The following FRMPD3 variants were observed in gnomAD, a reference collection of about 807,000 sequenced individuals.
FRMPD3 encodes the protein FERM and PDZ domain containing 3.
A neutral mutation model predicts 97.9 loss-of-function variants in FRMPD3; 42 were observed. That is an observed-to-expected ratio of 0.43 (90% CI 0.34 to 0.55). The LOEUF is 0.55. Ranked by LOEUF, FRMPD3 falls within the 20% of genes least tolerant of loss-of-function variation. The pLI is 0.03. For synonymous variants in FRMPD3, 577 were observed against 581.1 expected (o/e 0.99, Z 0.10); for missense variants, 1,303 against 1,457.7 (o/e 0.89, Z 1.73).
intron 1 of FRMPD3, among the ~76,000 whole-genome samples, chrX:107,523,750 A>G (rs1922587595): frequency 8.9e-6 from 1 of 112,405 alleles, no homozygotes; most frequent in South Asian, 3.7e-4. Context: ...ATTAATTAAT[A>G]TGAGTCAAAA....
chrX:107,550,070 C>G lies in FRMPD3; in HGVS notation c.424C>G (p.Leu142Val), dbSNP rs767772304. ...ACAGAAAATGATGAAGAAGGAAGCT[C>G]TCCTCCTCATCCCTAATGTCCTGAA... is the stretch of plus-strand genomic sequence containing the variant. ...TDAKMMKKEALLLIPNVLKVF... is the reference protein window; with the variant it reads ...TDAKMMKKEAVLLIPNVLKVF... The change falls in exon 6 of 15, where the codon CTC becomes GTC. Residue 142 changes from leucine to valine, a missense_variant. Transcript: ENST00000683843. The G allele has an allele frequency of 8.4e-6, 10 of 1,197,497 alleles. No individual in the cohort carries two copies. In the Middle Eastern group the frequency reaches 1.4e-3, roughly 166 times the overall value.
chrX:107,559,388 T>C (rs1174228191), intron 8 of FRMPD3, among the ~76,000 whole-genome samples: 1 of 112,010 alleles, frequency 8.9e-6, no homozygotes. Flanking sequence ...GACTTAAGCA[T>C]CCACAAATTT....
intron 4 of FRMPD3, among the ~76,000 whole-genome samples, chrX:107,540,564 G>C (rs1921247557): frequency 8.9e-6 from 1 of 112,013 alleles, no homozygotes; most frequent in Non-Finnish European, 1.9e-5. Context: ...ATTCCACCAA[G>C]CTGCTGGCTT....
chrX:107,511,038 G>T (rs189914989), intron 1 of FRMPD3, among the ~76,000 whole-genome samples: 1 of 112,373 alleles, frequency 8.9e-6, no homozygotes, highest in East Asian at 2.8e-4. Flanking sequence ...TGAGATAGAT[G>T]TGCCTTTCTC....
chrX:107,551,033 GA>G (rs1921841320), intron 6 of FRMPD3, among the ~76,000 whole-genome samples: 1 of 112,022 alleles, frequency 8.9e-6, no homozygotes, highest in African/African-American at 3.2e-5. Context: ...CAGGTACTCA[GA>G]ATGGGTCTTG....
intron 1 of FRMPD3, among the ~76,000 whole-genome samples, chrX:107,490,714 G>A (rs1921637224): frequency 8.9e-6 from 1 of 112,170 alleles, no homozygotes; most frequent in Non-Finnish European, 1.9e-5. Flanking sequence ...TCTGAAAACA[G>A]GTGGGTTTCT....
rs770453493 is a variant in FRMPD3 at position 107,560,772 on chromosome X, G to C, written c.945G>C (p.Gln315His). Residue 315 changes from glutamine to histidine, a missense_variant, in exon 10 of 15, where the codon CAG becomes CAC. Physicochemically the swap from Gln to His is conservative, Grantham distance 24. Transcript: ENST00000683843. ...CCTTTCTTCCCCCCTCCCTCCTGCAGGTCATCAAAGAGAAGAACCTCCGGA... is the reference window on the plus strand; with the variant it reads ...CCTTTCTTCCCCCCTCCCTCCTGCACGTCATCAAAGAGAAGAACCTCCGGA... ...LEPFLPPSLL[Q>H]VIKEKNLRKS... 2.6e-6 allele frequency: 3 copies of C among 1,175,054 alleles called. No homozygotes were observed. The South Asian group carries it at 5.7e-5, about 22-fold the overall frequency.
Position 107,454,261 on chromosome X carries a change from T to C in FRMPD3, c.-8+4256T>C, listed in dbSNP as rs1053395500. Among the ~76,000 whole-genome samples the C allele has an allele frequency of 9.0e-5, 10 of 111,365 alleles. No homozygotes were observed. In the Admixed American group the frequency reaches 9.5e-4, roughly 11 times the overall value. On this transcript the variant is annotated intron_variant, in intron 1 of 14. Coordinates refer to ENST00000683843, the MANE Select transcript of FRMPD3 (RefSeq NM_001388459.1). ...CTCCAGCTCCTCCTGCTTTCCACTTTCTTTATTGACAAGGACACACAGGCA... is the reference window on the plus strand; with the variant it reads ...CTCCAGCTCCTCCTGCTTTCCACTTCCTTTATTGACAAGGACACACAGGCA...
chrX:107,535,207 T>C (rs768474413), intron 4 of FRMPD3, among the ~76,000 whole-genome samples: 28 of 112,647 alleles, frequency 2.5e-4, no homozygotes, highest in Non-Finnish European at 4.9e-4. Context: ...TAAAATAGCA[T>C]CTACCTTCAC....
intron 1 of FRMPD3, among the ~76,000 whole-genome samples, chrX:107,457,020 A>G (rs1316170659): frequency 9.0e-6 from 1 of 111,501 alleles, no homozygotes; most frequent in African/African-American, 3.3e-5. Context: ...GGTAGAGGAA[A>G]CCTGATTTAC....
intron 13 of FRMPD3, among the ~76,000 whole-genome samples, chrX:107,585,869 T>C (rs946594086): frequency 8.9e-6 from 1 of 112,455 alleles, no homozygotes; most frequent in Non-Finnish European, 1.9e-5. Context: ...GATTTTTTCA[T>C]TGAAGTTCAT....
chrX:107,577,821 T>A (rs1042241743), intron 13 of FRMPD3, among the ~76,000 whole-genome samples: 2 of 111,114 alleles, frequency 1.8e-5, no homozygotes, highest in African/African-American at 6.6e-5. Context: ...CATGCCTGAG[T>A]TTACATCTCA....
At chrX:107,462,115 CT>C (rs1041910304) in intron 1 of FRMPD3, among the ~76,000 whole-genome samples, 2 of 111,021 alleles carry the variant, frequency 1.8e-5, no homozygotes, top group African/African-American at 6.6e-5. Context: ...TAATTTTTCC[CT>C]TATCATAAAA....
At position 107,594,058 on chromosome X, in the gene FRMPD3, G is replaced by C. The variant is rs760929839; in HGVS notation, c.1442-3263G>C. ...GTGTCATCTGTGATTTCTTTCAGCAGTGTTTTGTAGTTTTCCTTGTAGAGG... is the reference window on the plus strand; with the variant it reads ...GTGTCATCTGTGATTTCTTTCAGCACTGTTTTGTAGTTTTCCTTGTAGAGG... On this transcript the variant is annotated intron_variant, in intron 13 of 14. Transcript: ENST00000683843. Among the ~76,000 whole-genome samples, 6 of 112,043 alleles carry C rather than the reference G, an allele frequency of 5.4e-5. No individual in the cohort carries two copies. The South Asian group carries it at 1.9e-3, about 35-fold the overall frequency.
intron 1 of FRMPD3, among the ~76,000 whole-genome samples, chrX:107,510,192 G>A (rs774194436): frequency 6.6e-5 from 7 of 106,492 alleles, no homozygotes; most frequent in African/African-American, 2.4e-4. Flanking sequence ...TTGTTTCTGA[G>A]TAACTGAAGG....
intron 1 of FRMPD3, among the ~76,000 whole-genome samples, chrX:107,478,983 C>T (rs886706491): frequency 8.9e-5 from 10 of 111,929 alleles, no homozygotes; most frequent in Non-Finnish European, 1.1e-4. Flanking sequence ...ACCCCACCCC[C>T]GAACCAATGA....
chrX:107,513,963 C>T (rs770785048), intron 1 of FRMPD3, among the ~76,000 whole-genome samples: 3 of 111,748 alleles, frequency 2.7e-5, no homozygotes, highest in East Asian at 5.6e-4. Flanking sequence ...ATGAAATGAA[C>T]AGGTTGCAAT....
At chrX:107,590,688 G>C (rs1469329034) in intron 13 of FRMPD3, among the ~76,000 whole-genome samples, 2 of 112,871 alleles carry the variant, frequency 1.8e-5, no homozygotes, top group African/African-American at 6.4e-5. Flanking sequence ...ATCCCACTTG[G>C]TCATGGTGTA....
At chrX:107,514,529 CTTTTTT>C (rs753016000) in intron 1 of FRMPD3, among the ~76,000 whole-genome samples, 1 of 95,499 alleles carries the variant, frequency 1.0e-5, no homozygotes, top group African/African-American at 3.8e-5. Context: ...TTTCCTTTTC[CTTTTTT>C]TTTTTTTTTT....
Sources: gnomAD v4.1 joint callset for allele counts (sites outside exome capture counted in the v4.1 genomes callset) on GRCh38, gnomAD v4.1.1 for gene constraint, MANE v1.5 for transcripts, NCBI Gene and HGNC (gene_info 2026-07-23, HGNC 2026-07-21) for gene names.